The following IFRD2 variants were observed in gnomAD, a reference collection of about 807,000 sequenced individuals.
IFRD2 encodes the protein interferon-related developmental regulator 2.
IFRD2 carries 35 observed loss-of-function variants against 49.2 expected under a neutral mutation model. The observed-to-expected ratio is 0.71, with a 90% CI of 0.54 to 0.94. The LOEUF is 0.94. IFRD2 is among the 40% of genes least tolerant of loss of function. The pLI, the probability that IFRD2 is intolerant of heterozygous loss-of-function variation, is 0.00. For missense variants in IFRD2, 561 were observed against 591.6 expected (o/e 0.95, Z 0.54); for synonymous variants, 275 against 239.7 (o/e 1.15, Z -1.36).
chr3:50,290,653 A>T lies in IFRD2; in HGVS notation c.85T>A (p.Ser29Thr), dbSNP rs782662514. 1.2e-6 allele frequency: 2 copies of T among 1,613,864 alleles called. No homozygotes were observed. Among genetic ancestry groups the T allele is most frequent in the Non-Finnish European group, 1.7e-6 (2 of 1,179,850 alleles). Residue 29 changes from serine to threonine, a missense_variant, in exon 2 of 12, where the codon TCG becomes ACG. Physicochemically the swap from Ser to Thr is moderately conservative, Grantham distance 58. Transcript: ENST00000417626. The part of the protein sequence containing the change: ...GGARSSAQAD[S>T]GSSDDEAASE... ...GCTGCCTCATCGTCACTGGAACCCG[A>T]GTCAGCTTGGGCACTGCTCCGGGCA...
rs782709559 is a variant in IFRD2 at position 50,290,036 on chromosome 3, C to T, written c.439G>A (p.Val147Met). 16 of 1,613,656 alleles carry T rather than the reference C, an allele frequency of 9.9e-6. No individual in the cohort carries two copies. Among genetic ancestry groups the T allele is most frequent in the South Asian group, 4.4e-5 (4 of 90,994 alleles). Residue 147 changes from valine (V) to methionine (M), a missense_variant, in exon 5 of 12, where the codon GTG becomes ATG. Transcript: ENST00000417626. ...CCCTTAGGTCCAGGGCCCAGCTGCA[C>T]GCAGAGCAGGCCTAGCACAGCAGCA... The part of the protein sequence containing the change: ...LAAAVLGLLC[V>M]QLGPGPKGEE...
intron 8 of IFRD2, 53 bp from the exon 9 acceptor site, chr3:50,288,990 C>A: frequency 2.5e-6 from 4 of 1,590,506 alleles, no homozygotes; most frequent in Non-Finnish European, 3.4e-6. Context: ...TCTGCTGGCT[C>A]TGAACAGGGC....
intron 2 of IFRD2, 26 bp from the exon 3 acceptor site, chr3:50,290,498 C>A (rs1323931655): frequency 6.3e-7 from 1 of 1,592,984 alleles, no homozygotes; most frequent in Non-Finnish European, 8.6e-7. Flanking sequence ...GTCAGCACCG[C>A]TTCTTGTCCT....
chr3:50,292,350 G>C lies in IFRD2; in HGVS notation c.-76C>G. 2 of 1,567,302 alleles carry C rather than the reference G, an allele frequency of 1.3e-6. No individual in the cohort carries two copies. The highest frequency in any genetic ancestry group is 8.6e-7 in the Non-Finnish European group (1 of 1,160,538). ...GCTCCAGGCCAACGAGACGCCGGCC[G>C]GTGCGCTGCGCTGAGACTTGGCCAG... On this transcript the variant is annotated 5_prime_UTR_variant, in exon 1 of 12. Transcript: ENST00000417626.
intron 5 of IFRD2, 21 bp downstream of exon 5, chr3:50,289,908 A>T (rs781878848): frequency 8.7e-6 from 14 of 1,612,188 alleles, no homozygotes; most frequent in Non-Finnish European, 8.5e-6. Flanking sequence ...GAAGGGTTTC[A>T]TGGGGCACAG....
At chr3:50,290,360 G>A (rs1553709597) in intron 3 of IFRD2, 28 bp downstream of exon 3, 1 of 1,594,552 alleles carries the variant, frequency 6.3e-7, no homozygotes, top group Non-Finnish European at 8.5e-7. Flanking sequence ...GGAGCTGGGT[G>A]TAGGAGTTGG....
rs1553709136 is a variant in IFRD2 at position 50,288,934 on chromosome 3, C to T, written c.889G>A (p.Glu297Lys). 3 of 1,612,000 alleles carry T rather than the reference C, an allele frequency of 1.9e-6. No homozygotes were observed. Among genetic ancestry groups the T allele is most frequent in the Admixed American group, 3.3e-5 (2 of 59,774 alleles). Residue 297 changes from glutamate (E) to lysine (K), a missense_variant, in exon 9 of 12, where the codon GAG (glutamate) becomes AAG (lysine). Physicochemically the swap from Glu to Lys is moderately conservative, Grantham distance 56. Transcript: ENST00000417626. ...LFELARDLEE[E>K]FVYEDMEALC... ...GCCTCCATGTCCTCGTAAACAAACT[C>T]CTCCTGCAATGGGAGCATTGGAGGG...
chr3:50,290,327 C>T (rs1553709584), intron 3 of IFRD2, 33 bp from the exon 4 acceptor site: 3 of 1,604,942 alleles, frequency 1.9e-6, no homozygotes. Context: ...GTCATATGGG[C>T]CAGCCCTCCC....
intron 1 of IFRD2, 89 bp downstream of exon 1, chr3:50,292,128 A>G (rs1168557602): frequency 9.7e-6 from 13 of 1,344,170 alleles, no homozygotes; most frequent in Non-Finnish European, 1.3e-5. Context: ...GGGGTTCCCC[A>G]CCCAGGGCCC....
Position 50,288,843 on chromosome 3 carries a change from C to A in IFRD2, c.980G>T (p.Arg327Leu). Residue 327 changes from arginine (R) to leucine (L), a missense_variant, in exon 9 of 12, where the codon CGG becomes CTG. Arg to Leu is a moderately radical substitution (Grantham distance 102, BLOSUM62 -2). Transcript: ENST00000417626. Reference sequence around the variant, plus strand: ...GGCGCGGAAAGTAGAGCGCTGGCGCCGACGATCAGCCTTGGCACGGTACTT... The same window carrying A: ...GGCGCGGAAAGTAGAGCGCTGGCGCAGACGATCAGCCTTGGCACGGTACTT... ...SNKYRAKADR[R>L]RQRSTFRAVL... 6.2e-7 allele frequency: 1 copy of A among 1,613,408 alleles called. No homozygotes were observed. Among genetic ancestry groups the A allele is most frequent in the Non-Finnish European group, 8.5e-7 (1 of 1,179,630 alleles).
chr3:50,291,884 G>T, intron 1 of IFRD2: 1 of 332,818 alleles, frequency 3.0e-6, no homozygotes, highest in Non-Finnish European at 5.5e-6. Context: ...TCCTTGACCA[G>T]TCCAGGAAAG....
intron 8 of IFRD2, 147 bp from the exon 9 acceptor site, chr3:50,289,084 G>A: frequency 8.1e-7 from 1 of 1,230,546 alleles, no homozygotes; most frequent in Non-Finnish European, 1.1e-6. Flanking sequence ...TGTCAGGCCA[G>A]GACACCACTG....
rs1559800897 is a variant in IFRD2, at chr3:50,288,038, C to T, written c.*153G>A. The stretch of plus-strand genomic sequence containing the variant: ...ACAAAGGGGTCAGGGTCCCAAGTGT[C>T]CGGGCCCCCAGCTACCCACCCCATG... On this transcript the variant is annotated 3_prime_UTR_variant, in exon 12 of 12. Coordinates refer to ENST00000417626, the MANE Select transcript of IFRD2 (RefSeq NM_006764.5). 3.0e-6 allele frequency: 2 copies of T among 675,018 alleles called. No homozygotes were observed. The highest frequency in any genetic ancestry group is 5.3e-6 in the Non-Finnish European group (2 of 380,948). The allele number at this position is 675,018 out of a possible 1,614,324, so 41.8% of individuals were successfully genotyped here.
chr3:50,290,537 G>A, intron 2 of IFRD2, 23 bp downstream of exon 2: 1 of 1,612,140 alleles, frequency 6.2e-7, no homozygotes. Flanking sequence ...CCAAGCCCCT[G>A]TCAAACTTCC....
chr3:50,292,298 G>T lies in IFRD2; in HGVS notation c.-24C>A, dbSNP rs368573441. 1,323 of 1,556,072 alleles carry T rather than the reference G, an allele frequency of 8.5e-4. 12 individuals carry two copies. In the South Asian group the frequency reaches 0.011, roughly 13 times the overall value. ...ATGCCGGGAACCGGGCGCGGGGGGC[G>T]CGGGGTCAGGGACCCGGTGGGTGTG... On this transcript the variant is annotated 5_prime_UTR_variant, in exon 1 of 12. Transcript: ENST00000417626.
intron 1 of IFRD2, among the ~76,000 whole-genome samples, chr3:50,290,955 C>A (rs1233602605): frequency 6.6e-6 from 1 of 151,792 alleles, no homozygotes; most frequent in Non-Finnish European, 1.5e-5. Context: ...ACTCACACCC[C>A]TCATCTGCAG....
rs1553709300 is a variant in IFRD2 at position 50,289,474 on chromosome 3, C to T, written c.752G>A (p.Ser251Asn). 6.3e-7 allele frequency: 1 copy of T among 1,582,770 alleles called. No homozygotes were observed. Among genetic ancestry groups the T allele is most frequent in the East Asian group, 2.3e-5 (1 of 43,226 alleles). ...GTCAAGGATGTGGCTGATTTGGGTG[C>T]TAGGGCAGATGGTGAGCAGCAATGC... ...AWALLLTICPSTQISHILDRQ... is the reference protein window; with the variant it reads ...AWALLLTICPNTQISHILDRQ... Residue 251 changes from serine (S) to asparagine (N), a missense_variant, in exon 7 of 12, where the codon AGC becomes AAC. Coordinates refer to ENST00000417626, the MANE Select transcript of IFRD2 (RefSeq NM_006764.5).
chr3:50,291,328 C>T (rs1701668394), intron 1 of IFRD2, among the ~76,000 whole-genome samples: 1 of 152,106 alleles, frequency 6.6e-6, no homozygotes, highest in Non-Finnish European at 1.5e-5. Flanking sequence ...TTTTATCTTA[C>T]TATTCTACCT....
Position 50,289,273 on chromosome 3 carries a change from C to G in IFRD2, c.867G>C (p.Glu289Asp). The G allele has an allele frequency of 6.3e-7, 1 of 1,582,794 alleles. No homozygotes were observed. Among genetic ancestry groups the G allele is most frequent in the Non-Finnish European group, 8.6e-7 (1 of 1,164,672 alleles). ...CTCGCACCTCAAGGTCCCGGGCAAG[C>G]TCAAAGAGCAGTGCAATGGTTTCAC... ...AAGETIALLF[E>D]LARDLEEEFV... The change falls in exon 8 of 12, where the codon GAG becomes GAC. Residue 289 changes from glutamate (E) to aspartate (D), a missense_variant. By Grantham distance (45) the Glu-to-Asp change is conservative (BLOSUM62 2). Coordinates refer to ENST00000417626, the MANE Select transcript of IFRD2 (RefSeq NM_006764.5).
Sources: gnomAD v4.1 joint callset for allele counts (sites outside exome capture counted in the v4.1 genomes callset) on GRCh38, gnomAD v4.1.1 for gene constraint, MANE v1.5 for transcripts, NCBI Gene and HGNC (gene_info 2026-07-23, HGNC 2026-07-21) for gene names.